The following GPR39 variants were observed in gnomAD, a reference collection of about 807,000 sequenced individuals.
GPR39 encodes zinc sensing receptor.
GPR39 carries 23 observed loss-of-function variants against 18.4 expected under a neutral mutation model. The ratio of observed to expected loss-of-function variants is 1.25; its 90% CI spans 0.90 to 1.77. The LOEUF is 1.77. Among genes scored for constraint, GPR39 ranks in the 40% most tolerant of loss-of-function variants. The pLI is 0.00. For synonymous variants in GPR39, 280 were observed against 257.9 expected, an observed-to-expected ratio of 1.09 and a Z score of -0.82; for missense variants, 647 against 602.4, an observed-to-expected ratio of 1.07 and a Z score of -0.78.
chr2:132,564,677 A>G (rs941002621), intron 1 of GPR39, among the ~76,000 whole-genome samples: 2 of 152,074 alleles, frequency 1.3e-5, no homozygotes, highest in South Asian at 4.1e-4. Flanking sequence ...ATCACTCTCC[A>G]CGGAGTCTTA....
intron 1 of GPR39, among the ~76,000 whole-genome samples, chr2:132,425,562 C>T (rs558429779): frequency 7.2e-5 from 11 of 152,294 alleles, no homozygotes; most frequent in South Asian, 6.2e-4. Flanking sequence ...ATAAGGTATA[C>T]GTATCTTCTC....
At chr2:132,534,660 TA>T (rs1201058167) in intron 1 of GPR39, among the ~76,000 whole-genome samples, 1 of 151,974 alleles carries the variant, frequency 6.6e-6, no homozygotes, top group East Asian at 2.0e-4. Flanking sequence ...TATGCAGCCA[TA>T]AAAAATGATG....
intron 1 of GPR39, among the ~76,000 whole-genome samples, chr2:132,558,007 C>G (rs73957922): frequency 1.2e-3 from 180 of 151,846 alleles, no homozygotes; most frequent in African/African-American, 4.1e-3. Flanking sequence ...GGGGGTGGTC[C>G]TGGGGCAGCT....
intron 1 of GPR39, among the ~76,000 whole-genome samples, chr2:132,608,869 C>T (rs1397471048): frequency 1.3e-5 from 2 of 152,148 alleles, no homozygotes; most frequent in East Asian, 3.8e-4. Flanking sequence ...CATGTGGTCG[C>T]TCATTACTGA....
intron 1 of GPR39, among the ~76,000 whole-genome samples, chr2:132,553,687 C>T (rs1680096586): frequency 6.6e-6 from 1 of 152,102 alleles, no homozygotes; most frequent in South Asian, 2.1e-4. Context: ...TGGCTGCCCT[C>T]TGGGGTAGGC....
intron 1 of GPR39, among the ~76,000 whole-genome samples, chr2:132,603,205 C>CA (rs1336249854): frequency 6.6e-6 from 1 of 152,068 alleles, no homozygotes; most frequent in Non-Finnish European, 1.5e-5. Flanking sequence ...TATTTAGCTA[C>CA]AAAAAAATAA....
intron 1 of GPR39, among the ~76,000 whole-genome samples, chr2:132,624,083 G>A (rs191095322): frequency 6.6e-6 from 1 of 152,160 alleles, no homozygotes; most frequent in Non-Finnish European, 1.5e-5. Flanking sequence ...ACGTGGGTTC[G>A]GTGGCATAAA....
chr2:132,500,343 A>G (rs1262633999), intron 1 of GPR39, among the ~76,000 whole-genome samples: 18 of 152,030 alleles, frequency 1.2e-4, no homozygotes, highest in Admixed American at 1.2e-3. Context: ...TGATCACATG[A>G]TATTTGTTTT....
At chr2:132,629,472 C>G (rs944160186) in intron 1 of GPR39, among the ~76,000 whole-genome samples, 1 of 152,130 alleles carries the variant, frequency 6.6e-6, no homozygotes, top group African/African-American at 2.4e-5. Flanking sequence ...AGTGTATTGT[C>G]TAATTTGATT....
intron 1 of GPR39, among the ~76,000 whole-genome samples, chr2:132,524,218 A>C (rs1002381392): frequency 1.3e-5 from 2 of 152,222 alleles, no homozygotes; most frequent in Non-Finnish European, 2.9e-5. Context: ...AGAGGGAACG[A>C]AGAGGGTCTT....
chr2:132,461,948 C>G (rs1391092651), intron 1 of GPR39, among the ~76,000 whole-genome samples: 4 of 152,180 alleles, frequency 2.6e-5, no homozygotes, highest in Admixed American at 6.5e-5. Context: ...TCTGGCTCTT[C>G]TTCCATCAGT....
Position 132,492,590 on chromosome 2 carries a change from A to C in GPR39, c.856+74692A>C, listed in dbSNP as rs190361690. Among the ~76,000 whole-genome samples the C allele has an allele frequency of 7.5e-3, 1,028 of 137,130 alleles. 27 individuals are homozygous for C. Among genetic ancestry groups the C allele is most frequent in the African/African-American group, 0.028 (952 of 33,738 alleles). The allele number at this position is 137,130 out of a possible 152,430, so 90.0% of individuals were successfully genotyped here. A position where few individuals can be genotyped will look rare whatever the true frequency, so the allele number is the denominator to read the frequency against. On this transcript the variant is annotated intron_variant, in intron 1 of 1. Coordinates refer to ENST00000329321, the MANE Select transcript of GPR39 (RefSeq NM_001508.3). ...TATATACCATATATATACACACCAT[A>C]TATATACCATATATACACACCATCT...
chr2:132,601,013 TGTAA>T (rs1681034182), intron 1 of GPR39, among the ~76,000 whole-genome samples: 2 of 152,188 alleles, frequency 1.3e-5, no homozygotes, highest in Admixed American at 1.3e-4. Flanking sequence ...AGCTCTTGCT[TGTAA>T]GTAAGAACAT....
intron 1 of GPR39, among the ~76,000 whole-genome samples, chr2:132,522,667 T>C (rs1438178241): frequency 6.6e-6 from 1 of 152,060 alleles, no homozygotes; most frequent in Non-Finnish European, 1.5e-5. Context: ...CCCTGGGTAG[T>C]GTGAGCATGG....
At chr2:132,489,699 A>G (rs954446752) in intron 1 of GPR39, among the ~76,000 whole-genome samples, 2 of 151,890 alleles carry the variant, frequency 1.3e-5, no homozygotes, top group Admixed American at 6.6e-5. Context: ...TCAAACCTTT[A>G]TTCTAATTCT....
chr2:132,472,974 C>G (rs1266413071), intron 1 of GPR39, among the ~76,000 whole-genome samples: 1 of 151,986 alleles, frequency 6.6e-6, no homozygotes, highest in Non-Finnish European at 1.5e-5. Context: ...TCCTTATCCA[C>G]CGTGAACCCC....
intron 1 of GPR39, among the ~76,000 whole-genome samples, chr2:132,515,059 CA>C (rs1679307573): frequency 2.6e-5 from 4 of 152,220 alleles, no homozygotes; most frequent in African/African-American, 9.6e-5. Flanking sequence ...CTAGTAGCTA[CA>C]ATTGTGATGA....
At chr2:132,628,834 A>G (rs1379817736) in intron 1 of GPR39, among the ~76,000 whole-genome samples, 2 of 151,944 alleles carry the variant, frequency 1.3e-5, no homozygotes, top group South Asian at 2.1e-4. Flanking sequence ...CTTGGCACAC[A>G]CTTTAATGAG....
At chr2:132,439,598 A>C (rs1275901011) in intron 1 of GPR39, among the ~76,000 whole-genome samples, 1 of 152,254 alleles carries the variant, frequency 6.6e-6, no homozygotes, top group African/African-American at 2.4e-5. Context: ...TGCCTTCCAG[A>C]AAAAGGATTG....
Sources: allele counts gnomAD v4.1 joint callset (sites outside exome capture counted in the v4.1 genomes callset), GRCh38; gene constraint gnomAD v4.1.1; transcripts MANE v1.5; gene names NCBI Gene and HGNC (gene_info 2026-07-23, HGNC 2026-07-21).